Variants in CHST11 observed in about 807,000 individuals in gnomAD.
CHST11 encodes carbohydrate sulfotransferase 11.
A neutral mutation model predicts 30.4 loss-of-function variants in CHST11; 9 were observed. The observed-to-expected ratio is 0.30, with a 90% CI of 0.18 to 0.52. The LOEUF is 0.52. Among genes scored for constraint, CHST11 ranks in the 20% least tolerant of loss-of-function variants. CHST11 has a pLI of 0.97. For synonymous variants in CHST11, 152 were observed against 187.8 expected (o/e 0.81, Z 1.56); for missense variants, 348 against 460.6 (o/e 0.76, Z 2.24).
At chr12:104,714,025 G>A (rs2040109367) in intron 2 of CHST11, among the ~76,000 whole-genome samples, 1 of 152,174 alleles carries the variant, frequency 6.6e-6, no homozygotes, top group Admixed American at 6.5e-5. Flanking sequence ...TGCCTCCTGG[G>A]TAGTAAGGCT....
At chr12:104,618,886 A>G (rs1005500920) in intron 2 of CHST11, among the ~76,000 whole-genome samples, 17 of 152,188 alleles carry the variant, frequency 1.1e-4, no homozygotes, top group Non-Finnish European at 8.8e-5. Context: ...CACCAGCTCA[A>G]CTGGGGTCGA....
At chr12:104,643,869 A>T (rs1438896454) in intron 2 of CHST11, among the ~76,000 whole-genome samples, 1 of 152,128 alleles carries the variant, frequency 6.6e-6, no homozygotes, top group Non-Finnish European at 1.5e-5. Context: ...TCTCTAGAAC[A>T]TTTCTCAGCT....
intron 2 of CHST11, among the ~76,000 whole-genome samples, chr12:104,613,445 TC>T (rs144996212): frequency 0.26 from 39,042 of 152,012 alleles, 5,188 homozygotes; most frequent in African/African-American, 0.32. Flanking sequence ...CGAATTGTAG[TC>T]CCCAGTGTTG....
intron 1 of CHST11, among the ~76,000 whole-genome samples, chr12:104,566,762 T>C (rs1338621836): frequency 2.0e-5 from 3 of 152,172 alleles, no homozygotes. Context: ...TACAGGTACA[T>C]ACACCTCCCA....
At chr12:104,693,342 C>A (rs1192330700) in intron 2 of CHST11, among the ~76,000 whole-genome samples, 1 of 152,220 alleles carries the variant, frequency 6.6e-6, no homozygotes, top group African/African-American at 2.4e-5. Context: ...GATTGGAACC[C>A]AGAGGCCATG....
At chr12:104,671,391 C>T (rs2039696127) in intron 2 of CHST11, among the ~76,000 whole-genome samples, 1 of 152,140 alleles carries the variant, frequency 6.6e-6, no homozygotes, top group Non-Finnish European at 1.5e-5. Context: ...AGTATTTGCC[C>T]TGATTCTTAG....
chr12:104,545,560 A>C (rs1388042502), intron 1 of CHST11, among the ~76,000 whole-genome samples: 4 of 152,252 alleles, frequency 2.6e-5, no homozygotes, highest in Admixed American at 6.5e-5. Flanking sequence ...ATATTGAGCT[A>C]CTTAATCTTA....
At chr12:104,517,936 G>T (rs186550734) in intron 1 of CHST11, among the ~76,000 whole-genome samples, 2 of 152,134 alleles carry the variant, frequency 1.3e-5, no homozygotes, top group Non-Finnish European at 2.9e-5. Context: ...ACTGAGGATC[G>T]TACTGGATAA....
At chr12:104,638,260 AAGG>A (rs991191197) in intron 2 of CHST11, among the ~76,000 whole-genome samples, 32 of 152,348 alleles carry the variant, frequency 2.1e-4, no homozygotes, top group Admixed American at 1.6e-3. Flanking sequence ...TTGCATGTGA[AAGG>A]AGAAAAATAT....
chr12:104,635,830 A>C (rs2039317938), intron 2 of CHST11, among the ~76,000 whole-genome samples: 1 of 152,228 alleles, frequency 6.6e-6, no homozygotes, highest in African/African-American at 2.4e-5. Context: ...TGTGTTCACC[A>C]GACCCCAGTA....
At chr12:104,683,354 G>C (rs1225911596) in intron 2 of CHST11, among the ~76,000 whole-genome samples, 1 of 152,186 alleles carries the variant, frequency 6.6e-6, no homozygotes, top group African/African-American at 2.4e-5. Flanking sequence ...CATAGGACCA[G>C]TAAGAAATGA....
At chr12:104,582,888 G>A (rs370594444) in intron 1 of CHST11, among the ~76,000 whole-genome samples, 2 of 151,780 alleles carry the variant, frequency 1.3e-5, no homozygotes, top group East Asian at 3.9e-4. Context: ...CTCACAGGTG[G>A]CCGCAAGCTC....
chr12:104,523,117 A>G (rs2038089642), intron 1 of CHST11, among the ~76,000 whole-genome samples: 1 of 152,238 alleles, frequency 6.6e-6, no homozygotes, highest in Non-Finnish European at 1.5e-5. Context: ...ACCAGATTAT[A>G]TCTGTTCAGG....
intron 1 of CHST11, among the ~76,000 whole-genome samples, chr12:104,529,860 A>G (rs1012251651): frequency 6.6e-6 from 1 of 152,166 alleles, no homozygotes; most frequent in East Asian, 1.9e-4. Context: ...ATGCCCAACT[A>G]AAAAGCATGA....
chr12:104,596,583 C>CT (rs367557790), intron 1 of CHST11, among the ~76,000 whole-genome samples: 1 of 35,864 alleles, frequency 2.8e-5, no homozygotes, highest in African/African-American at 1.1e-4. Context: ...TTGCTACTTG[C>CT]CCTTGCTGAC....
rs577207146 is a variant in CHST11 at position 104,642,768 on chromosome 12, G to A, written c.204+40777G>A. 5.0e-3 allele frequency among the ~76,000 whole-genome samples: 738 copies of A among 147,844 alleles called. 9 individuals are homozygous for A. The highest frequency in any genetic ancestry group is 0.018 in the African/African-American group (709 of 39,188). ...GTGTCTAGGTGGTTGGAATATAGGT[G>A]GTTTTTAACTTTTAAAATTATTTTG... On this transcript the variant is annotated intron_variant, in intron 2 of 2. Coordinates refer to ENST00000303694, the MANE Select transcript of CHST11 (RefSeq NM_018413.6).
chr12:104,696,472 G>A (rs1317734157), intron 2 of CHST11, among the ~76,000 whole-genome samples: 3 of 69,322 alleles, frequency 4.3e-5, no homozygotes, highest in East Asian at 4.6e-4. Context: ...CCCCGACTCT[G>A]CTAAAAATAC....
chr12:104,508,012 T>C (rs756078943), intron 1 of CHST11, among the ~76,000 whole-genome samples: 2 of 152,184 alleles, frequency 1.3e-5, no homozygotes, highest in Admixed American at 6.5e-5. Context: ...CCTCACAGTT[T>C]CGTATGCAAG....
intron 1 of CHST11, among the ~76,000 whole-genome samples, chr12:104,481,368 A>G (rs1336002123): frequency 2.0e-5 from 3 of 152,142 alleles, no homozygotes; most frequent in African/African-American, 2.4e-5. Context: ...GTCCCGTTTA[A>G]TGTTGCTTCC....
Sources: gnomAD v4.1 joint callset for allele counts (sites outside exome capture counted in the v4.1 genomes callset) on GRCh38, gnomAD v4.1.1 for gene constraint, MANE v1.5 for transcripts, NCBI Gene and HGNC (gene_info 2026-07-23, HGNC 2026-07-21) for gene names.